AUTS2: variants seen among roughly 807,000 people sequenced by gnomAD.
The protein encoded by AUTS2 is activator of transcription and developmental regulator AUTS2, also known as autism susceptibility gene 2 protein.
AUTS2 carries 17 observed loss-of-function variants against 112.4 expected under a neutral mutation model. The observed-to-expected ratio is 0.15, with a 90% confidence interval of 0.10 to 0.23. The LOEUF is 0.23. Among genes scored for constraint, AUTS2 ranks in the 10% least tolerant of loss-of-function variants. AUTS2 has a pLI of 1.00. For missense variants in AUTS2, 1,510 were observed against 1,701.6 expected (o/e 0.89, Z 1.98); for synonymous variants, 751 against 702.7 (o/e 1.07, Z -1.09).
intron 2 of AUTS2, among the ~76,000 whole-genome samples, chr7:70,001,708 A>G (rs1563028010): frequency 7.0e-6 from 1 of 142,408 alleles, no homozygotes; most frequent in African/African-American, 2.7e-5. Flanking sequence ...CCTCATTGTC[A>G]TATTTTTTTT....
intron 4 of AUTS2, among the ~76,000 whole-genome samples, chr7:70,220,116 T>G (rs1230304194): frequency 6.6e-6 from 1 of 152,186 alleles, no homozygotes; most frequent in Non-Finnish European, 1.5e-5. Flanking sequence ...TCAGCTCTGA[T>G]GTAGAGCAGC....
At chr7:70,328,656 A>G (rs1422375152) in intron 4 of AUTS2, among the ~76,000 whole-genome samples, 1 of 152,216 alleles carries the variant, frequency 6.6e-6, no homozygotes, top group Non-Finnish European at 1.5e-5. Context: ...GTTTCTGTGC[A>G]AGAGAGCAAA....
At chr7:70,664,434 CT>C (rs1472881218) in intron 5 of AUTS2, among the ~76,000 whole-genome samples, 1 of 152,218 alleles carries the variant, frequency 6.6e-6, no homozygotes, top group Non-Finnish European at 1.5e-5. Context: ...AGTTCCCTCT[CT>C]GTCTGAGCAG....
chr7:70,764,733 T>A lies in AUTS2; in HGVS notation c.1215-19T>A. Reference sequence around the variant, plus strand: ...CCTTTTTTTATTTTTTTCTTTTCTTTTTTTTCTTGTTCCGATAGCAGCAGC... The same window carrying A: ...CCTTTTTTTATTTTTTTCTTTTCTTATTTTTCTTGTTCCGATAGCAGCAGC... On this transcript the variant is annotated intron_variant, in intron 7 of 18. Transcript: ENST00000342771. The A allele has an allele frequency of 1.4e-6, 1 of 722,622 alleles. No individual in the cohort carries two copies. Among genetic ancestry groups the A allele is most frequent in the Non-Finnish European group, 2.6e-6 (1 of 390,716 alleles). 44.8% of individuals were successfully genotyped at this position (722,622 alleles called of 1,614,324 possible). A position where few individuals can be genotyped will look rare whatever the true frequency, so the allele number is the denominator to read the frequency against.
At chr7:70,702,538 C>T (rs2129547926) in intron 6 of AUTS2, among the ~76,000 whole-genome samples, 1 of 152,348 alleles carries the variant, frequency 6.6e-6, no homozygotes, top group East Asian at 1.9e-4. Context: ...GGGGAAAAGC[C>T]TCCTGAGTGA....
intron 6 of AUTS2, among the ~76,000 whole-genome samples, chr7:70,752,653 G>A (rs1486782319): frequency 2.6e-5 from 4 of 152,104 alleles, no homozygotes; most frequent in Admixed American, 1.3e-4. Flanking sequence ...AGGCACATGA[G>A]GCAGGGTAGT....
intron 6 of AUTS2, among the ~76,000 whole-genome samples, chr7:70,760,147 A>G (rs1261816681): frequency 6.6e-6 from 1 of 151,962 alleles, no homozygotes; most frequent in Non-Finnish European, 1.5e-5. Context: ...CTGGGACTAC[A>G]GGCACCCGCC....
At chr7:70,769,596 A>C (rs1168342419) in intron 10 of AUTS2, among the ~76,000 whole-genome samples, 1 of 152,154 alleles carries the variant, frequency 6.6e-6, no homozygotes, top group African/African-American at 2.4e-5. Context: ...GAGGCAGGAG[A>C]ATGGCGTGAA....
intron 4 of AUTS2, among the ~76,000 whole-genome samples, chr7:70,314,051 G>T (rs1384493749): frequency 2.0e-5 from 3 of 152,184 alleles, no homozygotes; most frequent in Non-Finnish European, 4.4e-5. Context: ...TAAGCAGGAG[G>T]ACATTTCCTC....
chr7:70,192,977 TA>T (rs1304288733), intron 4 of AUTS2, among the ~76,000 whole-genome samples: 1 of 152,146 alleles, frequency 6.6e-6, no homozygotes, highest in East Asian at 1.9e-4. Flanking sequence ...AGGTAGATAC[TA>T]GTTATAGTCA....
intron 6 of AUTS2, among the ~76,000 whole-genome samples, chr7:70,704,138 A>T (rs150484056): frequency 3.0e-4 from 46 of 152,346 alleles, no homozygotes; most frequent in Middle Eastern, 3.4e-3. Flanking sequence ...TGTTGCATGA[A>T]AGTGTCTCCC....
chr7:70,158,623 G>A (rs150693554), intron 4 of AUTS2, among the ~76,000 whole-genome samples: 3 of 152,154 alleles, frequency 2.0e-5, no homozygotes, highest in Admixed American at 6.5e-5. Context: ...TTTTTAAGAC[G>A]TCCATGGGAT....
intron 4 of AUTS2, among the ~76,000 whole-genome samples, chr7:70,210,309 G>T (rs1365658646): frequency 2.6e-5 from 4 of 152,172 alleles, no homozygotes; most frequent in Non-Finnish European, 5.9e-5. Flanking sequence ...TTCGTAATTA[G>T]ATCCTGCATA....
rs56719628 is a variant in AUTS2, at chr7:70,688,616, C to G, written c.691-9953C>G. Among the ~76,000 whole-genome samples the G allele has an allele frequency of 2.4e-3, 364 of 152,202 alleles. 3 individuals are homozygous for G. Among genetic ancestry groups the G allele is most frequent in the African/African-American group, 8.6e-3 (358 of 41,534 alleles). ...GCCAAGGTGGGAGGATCGCTTGAGG[C>G]CAGGAGTCAGAGATCAGCATGAGCA... On this transcript the variant is annotated intron_variant, in intron 5 of 18. Coordinates refer to ENST00000342771, the MANE Select transcript of AUTS2 (RefSeq NM_015570.4).
At chr7:70,458,417 A>G (rs1796832626) in intron 5 of AUTS2, among the ~76,000 whole-genome samples, 1 of 152,162 alleles carries the variant, frequency 6.6e-6, no homozygotes. Flanking sequence ...TCTCTCAAGT[A>G]TAAAGAATAC....
At chr7:70,366,317 G>A (rs887977174) in intron 4 of AUTS2, among the ~76,000 whole-genome samples, 1 of 152,082 alleles carries the variant, frequency 6.6e-6, no homozygotes, top group Non-Finnish European at 1.5e-5. Context: ...AAAGAAGGAC[G>A]TAGCTAAAGC....
chr7:69,847,177 G>A (rs979498267), intron 1 of AUTS2, among the ~76,000 whole-genome samples: 6 of 152,268 alleles, frequency 3.9e-5, no homozygotes, highest in South Asian at 2.1e-4. Flanking sequence ...AACATACGAC[G>A]TAGAGATCAA....
At position 69,988,517 on chromosome 7, in the gene AUTS2, G is replaced by A. The variant is rs562157156; in HGVS notation, c.522+89019G>A. The stretch of plus-strand genomic sequence containing the variant: ...TGCATCACTTGTTGAATTATTTATT[G>A]TACATACCCTACTATAAATTGTAAA... On this transcript the variant is annotated intron_variant, in intron 2 of 18. Coordinates refer to ENST00000342771, the MANE Select transcript of AUTS2 (RefSeq NM_015570.4). Among the ~76,000 whole-genome samples the A allele has an allele frequency of 2.6e-5, 4 of 152,136 alleles. No homozygotes were observed. The South Asian group carries it at 8.3e-4, about 32-fold the overall frequency.
At chr7:70,782,299 T>A (rs1442354193) in intron 15 of AUTS2, 1 of 152,530 alleles carries the variant, frequency 6.6e-6, no homozygotes, top group South Asian at 2.1e-4. Flanking sequence ...CAAAACGTAA[T>A]ACTATTGCCT....
Sources: allele counts gnomAD v4.1 joint callset (sites outside exome capture counted in the v4.1 genomes callset), GRCh38; gene constraint gnomAD v4.1.1; transcripts MANE v1.5; gene names NCBI Gene and HGNC (gene_info 2026-07-23, HGNC 2026-07-21).